Variants in ANK3 observed in about 807,000 individuals in gnomAD.
ANK3 encodes ankyrin-3.
In ANK3, 57 loss-of-function variants were observed where a neutral mutation model predicts 370.9. The observed-to-expected ratio is 0.15, with a 90% confidence interval of 0.12 to 0.19. ANK3 has a LOEUF of 0.19. Among genes scored for constraint, ANK3 ranks in the 10% least tolerant of loss-of-function variants. The pLI is 1.00. For missense variants in ANK3, 4,439 were observed against 5,302.1 expected, an observed-to-expected ratio of 0.84 and a Z score of 5.06; for synonymous variants, 1,929 against 1,946.3, an observed-to-expected ratio of 0.99 and a Z score of 0.23.
chr10:60,079,801 G>A (rs2131998259), intron 36 of ANK3, among the ~76,000 whole-genome samples: 1 of 152,232 alleles, frequency 6.6e-6, no homozygotes, highest in Non-Finnish European at 1.5e-5. Flanking sequence ...AAGGATGATG[G>A]AAGGAAAGGG....
intron 42 of ANK3, among the ~76,000 whole-genome samples, chr10:60,054,645 C>A (rs192292045): frequency 6.6e-6 from 1 of 152,240 alleles, no homozygotes; most frequent in African/African-American, 2.4e-5. Context: ...AGCTGAGAAT[C>A]AGCTCCTGAG....
intron 2 of ANK3, among the ~76,000 whole-genome samples, chr10:60,457,390 G>A (rs2064775024): frequency 6.6e-6 from 1 of 152,110 alleles, no homozygotes; most frequent in Non-Finnish European, 1.5e-5. Context: ...AGGAAATGAG[G>A]AGAAGATAAA....
chr10:60,258,369 G>T (rs1030142315), intron 7 of ANK3, among the ~76,000 whole-genome samples: 4 of 152,184 alleles, frequency 2.6e-5, no homozygotes, highest in Admixed American at 1.3e-4. Flanking sequence ...TGTCAGACAG[G>T]ATATCTTACA....
intron 43 of ANK3, among the ~76,000 whole-genome samples, chr10:60,040,782 T>C (rs2075952628): frequency 6.6e-6 from 1 of 152,192 alleles, no homozygotes; most frequent in African/African-American, 2.4e-5. Context: ...CCCTTTTGGT[T>C]CTTTTCCACT....
chr10:60,434,358 T>C (rs2064105354), intron 2 of ANK3, among the ~76,000 whole-genome samples: 1 of 152,226 alleles, frequency 6.6e-6, no homozygotes, highest in Admixed American at 6.5e-5. Flanking sequence ...ATACTATAGG[T>C]AATTAGAATA....
intron 5 of ANK3, among the ~76,000 whole-genome samples, chr10:60,269,152 C>T (rs1390467039): frequency 6.6e-6 from 1 of 152,146 alleles, no homozygotes; most frequent in Non-Finnish European, 1.5e-5. Flanking sequence ...AAATATTGAT[C>T]CTTTATTATT....
intron 1 of ANK3, among the ~76,000 whole-genome samples, chr10:60,641,533 G>A (rs1039592206): frequency 1.3e-5 from 2 of 151,226 alleles, no homozygotes; most frequent in Admixed American, 6.6e-5. Context: ...AATGGGGAAA[G>A]GATTCCCTAT....
At chr10:60,463,800 T>C (rs10994360) in intron 2 of ANK3, among the ~76,000 whole-genome samples, 12,926 of 151,602 alleles carry the variant, frequency 0.085, 1,124 homozygotes, top group East Asian at 0.32. Context: ...TGAACAAATA[T>C]AATAAAATCA....
At chr10:60,309,461 T>C (rs980791273) in intron 1 of ANK3, among the ~76,000 whole-genome samples, 6 of 152,184 alleles carry the variant, frequency 3.9e-5, no homozygotes, top group African/African-American at 1.4e-4. Context: ...TCATGCATAA[T>C]AAGGGCTTGG....
At chr10:60,680,020 G>A (rs59547643) in intron 1 of ANK3, among the ~76,000 whole-genome samples, 1,796 of 151,240 alleles carry the variant, frequency 0.012, 36 homozygotes, top group African/African-American at 0.041. Context: ...CTGCAGTCCC[G>A]GCTACTCAGG....
chr10:60,157,248 G>T (rs551115421), intron 23 of ANK3, among the ~76,000 whole-genome samples: 1 of 151,832 alleles, frequency 6.6e-6, no homozygotes, highest in African/African-American at 2.4e-5. Flanking sequence ...TGTTGGTCAG[G>T]CTGGTCTCGA....
At chr10:60,180,615 C>CAAAAAAAAAAAAAAAAAA (rs990463587) in intron 18 of ANK3, among the ~76,000 whole-genome samples, 8 of 106,158 alleles carry the variant, frequency 7.5e-5, no homozygotes, top group Non-Finnish European at 1.1e-4. Flanking sequence ...AAAAAAAAAC[C>CAAAAAAAAAAAAAAAAAA]AAAAAAAAAA....
chr10:60,176,276 G>C (rs2095947701), intron 18 of ANK3, among the ~76,000 whole-genome samples: 1 of 146,430 alleles, frequency 6.8e-6, no homozygotes, highest in Admixed American at 7.0e-5. Flanking sequence ...GAGGTGGCAG[G>C]ATCACTTGAA....
intron 2 of ANK3, among the ~76,000 whole-genome samples, chr10:60,558,501 C>T (rs1419535251): frequency 6.6e-6 from 1 of 152,198 alleles, no homozygotes; most frequent in Non-Finnish European, 1.5e-5. Flanking sequence ...GCCAAGACAA[C>T]TAACCAAGAC....
At chr10:60,341,784 C>T (rs976382277) in intron 1 of ANK3, among the ~76,000 whole-genome samples, 1 of 152,024 alleles carries the variant, frequency 6.6e-6, no homozygotes, top group Admixed American at 6.6e-5. Context: ...TCAAAAGAAA[C>T]CTAATTTTAG....
intron 2 of ANK3, among the ~76,000 whole-genome samples, chr10:60,410,160 G>A (rs2063531012): frequency 1.3e-5 from 2 of 152,092 alleles, no homozygotes; most frequent in Admixed American, 1.3e-4. Context: ...CAGGTGTGGT[G>A]GCTCATACCT....
At chr10:60,317,616 T>A (rs2132874984) in intron 1 of ANK3, among the ~76,000 whole-genome samples, 1 of 152,246 alleles carries the variant, frequency 6.6e-6, no homozygotes, top group Middle Eastern at 3.4e-3. Context: ...AGTATTATTA[T>A]CTCCATCTGA....
intron 1 of ANK3, among the ~76,000 whole-genome samples, chr10:60,308,081 A>G (rs1208382333): frequency 6.6e-6 from 1 of 152,224 alleles, no homozygotes; most frequent in African/African-American, 2.4e-5. Context: ...AAAGCAGCTC[A>G]TTGAGCCTGT....
chr10:60,589,836 T>C (rs1228128814), intron 2 of ANK3, among the ~76,000 whole-genome samples: 1 of 152,208 alleles, frequency 6.6e-6, no homozygotes, highest in Non-Finnish European at 1.5e-5. Context: ...CAAACTTCCT[T>C]TCAGTATTGC....
Sources: gnomAD v4.1 joint callset for allele counts (sites outside exome capture counted in the v4.1 genomes callset) on GRCh38, gnomAD v4.1.1 for gene constraint, MANE v1.5 for transcripts, NCBI Gene and HGNC (gene_info 2026-07-23, HGNC 2026-07-21) for gene names.